The following VWA5B2 variants were observed in gnomAD, a reference collection of about 807,000 sequenced individuals.
VWA5B2 encodes the protein von Willebrand factor A domain-containing protein 5B2.
In VWA5B2, 93 loss-of-function variants were observed where a neutral mutation model predicts 118.5. That is an observed-to-expected ratio of 0.79 (90% confidence interval 0.66 to 0.93). VWA5B2 has a LOEUF of 0.93. VWA5B2 is among the 40% of genes least tolerant of loss of function. The probability of loss-of-function intolerance (pLI) is 0.00; values close to 1 mark genes in which losing one functional copy is unlikely to be tolerated. For missense variants in VWA5B2, 1,546 were observed against 1,672.8 expected (o/e 0.92, Z 1.32); for synonymous variants, 708 against 716.3 (o/e 0.99, Z 0.19).
chr3:184,241,241 C>G lies in VWA5B2; in HGVS notation c.3017C>G (p.Ser1006Cys). ...GAWDSDQNGN[S>C]KRALGDPATP... ...TGGGACTCGGACCAAAATGGCAACT[C>G]CAAGCGTGCTTTGGGGGACCCTGCC... is the stretch of plus-strand genomic sequence containing the variant. Residue 1006 changes from serine (S) to cysteine (C), a missense_variant, in exon 19 of 20, where the codon TCC (serine) becomes TGC (cysteine). Ser to Cys is a moderately radical substitution (Grantham distance 112). Coordinates refer to ENST00000691901, the MANE Select transcript of VWA5B2 (RefSeq NM_001390846.1). This position sits in a 1 kb window ranked among gnomAD's most constrained non-coding sequence, Gnocchi z 5.1. The G allele has an allele frequency of 6.4e-7, 1 of 1,551,244 alleles. No homozygotes were observed. Among genetic ancestry groups the G allele is most frequent in the Non-Finnish European group, 8.7e-7 (1 of 1,146,910 alleles).
At chr3:184,231,203 G>A (rs1031342682) in intron 3 of VWA5B2, among the ~76,000 whole-genome samples, 1 of 152,166 alleles carries the variant, frequency 6.6e-6, no homozygotes, top group African/African-American at 2.4e-5. Flanking sequence ...CTCTCTAGGG[G>A]GCTGCAAAGG....
In VWA5B2 at chr3:184,240,933, G is replaced by T. The variant is rs1169091790; in HGVS notation, c.2878+5G>T. 6.4e-7 allele frequency: 1 copy of T among 1,551,426 alleles called. No homozygotes were observed. The highest frequency in any genetic ancestry group is 2.0e-5 in the Admixed American group (1 of 50,970). ...CCCTGCAGGTGTGCAGCTCAGGTAGGGGCCTCTTCTGGTGACCTCTCAGGT... is the reference window on the plus strand; with the variant it reads ...CCCTGCAGGTGTGCAGCTCAGGTAGTGGCCTCTTCTGGTGACCTCTCAGGT... On this transcript the variant is annotated splice_donor_5th_base_variant and intron_variant, in intron 17 of 19. Coordinates refer to ENST00000691901, the MANE Select transcript of VWA5B2 (RefSeq NM_001390846.1).
In VWA5B2 at chr3:184,241,589, G is replaced by A; in HGVS notation, c.3280G>A (p.Ala1094Thr). 1 of 1,545,880 alleles carries A rather than the reference G, an allele frequency of 6.5e-7. No homozygotes were observed. Among genetic ancestry groups the A allele is most frequent in the Non-Finnish European group, 8.7e-7 (1 of 1,146,668 alleles). Residue 1094 changes from alanine (A) to threonine (T), a missense_variant, in exon 20 of 20, where the codon GCC (alanine) becomes ACC (threonine). Ala to Thr is a moderately conservative substitution (Grantham distance 58, BLOSUM62 0). Around this residue, in one of 3 missense-constraint regions of VWA5B2, gnomAD observed 763 missense variants for 766.6 expected, o/e 1.00. Coordinates refer to ENST00000691901, the MANE Select transcript of VWA5B2 (RefSeq NM_001390846.1). This position sits in a 1 kb window ranked among gnomAD's most constrained non-coding sequence, Gnocchi z 5.1. ...QERLCRASPF[A>T]VHRASLSPTS... ...GCGCCTCTGCCGTGCCTCGCCCTTT[G>A]CCGTGCACCGCGCCAGCCTCAGCCC...
In VWA5B2 at chr3:184,238,174, T is replaced by C; in HGVS notation, c.1720-129T>C. The C allele has an allele frequency of 1.3e-6, 1 of 774,582 alleles. No homozygotes were observed. The highest frequency in any genetic ancestry group is 2.0e-6 in the Non-Finnish European group (1 of 504,592). The allele number at this position is 774,582 out of a possible 1,614,324, so 48.0% of individuals were successfully genotyped here. On this transcript the variant is annotated intron_variant, in intron 12 of 19. Coordinates refer to ENST00000691901, the MANE Select transcript of VWA5B2 (RefSeq NM_001390846.1). The surrounding 1 kb of genome is among the most constrained non-coding windows in gnomAD (Gnocchi z 5.0). Reference sequence around the variant, plus strand: ...ACAGTGAACATGTCTGCTTCCTCCTTCTTTAGTACTGGTCTTTTGTTTCTG... The same window carrying C: ...ACAGTGAACATGTCTGCTTCCTCCTCCTTTAGTACTGGTCTTTTGTTTCTG...
rs773386944 is a variant in VWA5B2 at position 184,233,302 on chromosome 3, C to T, written c.435C>T (p.Asp145=). ...HSSRELPSRP[D]GVLHVALPTV... is the part of the protein sequence containing the mutation. The stretch of plus-strand genomic sequence containing the variant: ...GCCGGGAGCTGCCCTCAAGGCCTGA[C>T]GGGGTGCTGCATGTGGCCCTGCCCA... The change falls in exon 4 of 20, where the codon GAC becomes GAT. Residue 145 remains aspartate, a synonymous_variant. Coordinates refer to ENST00000691901, the MANE Select transcript of VWA5B2 (RefSeq NM_001390846.1). This position sits in a 1 kb window ranked among gnomAD's most constrained non-coding sequence, Gnocchi z 5.2. 3.8e-5 allele frequency: 59 copies of T among 1,537,294 alleles called. No homozygotes were observed. The highest frequency in any genetic ancestry group is 3.8e-4 in the African/African-American group (28 of 73,008).
At position 184,233,592 on chromosome 3, in the gene VWA5B2, G is replaced by C; in HGVS notation, c.547G>C (p.Gly183Arg). The change falls in exon 5 of 20, where the codon GGG (glycine) becomes CGG (arginine). Residue 183 changes from glycine (G) to arginine (R), a missense_variant. By Grantham distance (125) the Gly-to-Arg change is moderately radical. Around this residue, in one of 3 missense-constraint regions of VWA5B2, gnomAD observed 775 missense variants for 882.3 expected, o/e 0.88. Transcript: ENST00000691901. This position sits in a 1 kb window ranked among gnomAD's most constrained non-coding sequence, Gnocchi z 5.2. ...CCCTTCCAGCCCCACCAGCTGCTTC[G>C]GGGTGGGCAGCCTTCAGGAGGAAGG... ...LCDDSPTSCF[G>R]VGSLQEEGLA... 6.4e-7 allele frequency: 1 copy of C among 1,550,846 alleles called. No homozygotes were observed. The highest frequency in any genetic ancestry group is 1.2e-5 in the South Asian group (1 of 83,972).
Position 184,241,250 on chromosome 3 carries a change from C to T in VWA5B2, c.3026C>T (p.Ala1009Val). 1 of 1,551,224 alleles carries T rather than the reference C, an allele frequency of 6.4e-7. No homozygotes were observed. The highest frequency in any genetic ancestry group is 2.4e-5 in the East Asian group (1 of 40,916). Residue 1009 changes from alanine (A) to valine (V), a missense_variant, in exon 19 of 20, where the codon GCT (alanine) becomes GTT (valine). By Grantham distance (64) the Ala-to-Val change is moderately conservative. This residue lies in a region of VWA5B2 where 763 missense variants were observed against 766.6 expected (regional missense o/e 1.00). Coordinates refer to ENST00000691901, the MANE Select transcript of VWA5B2 (RefSeq NM_001390846.1). The surrounding 1 kb of genome is among the most constrained non-coding windows in gnomAD (Gnocchi z 5.1). ...DSDQNGNSKR[A>V]LGDPATPTEG... ...GACCAAAATGGCAACTCCAAGCGTG[C>T]TTTGGGGGACCCTGCCACTCCCACG... is the stretch of plus-strand genomic sequence containing the variant.
Position 184,233,564 on chromosome 3 carries a change from G to A in VWA5B2, c.531-12G>A, listed in dbSNP as rs1316189032. On this transcript the variant is annotated splice_polypyrimidine_tract_variant and intron_variant, in intron 4 of 19. Transcript: ENST00000691901. This position sits in a 1 kb window ranked among gnomAD's most constrained non-coding sequence, Gnocchi z 5.2. Reference sequence around the variant, plus strand: ...ACAGTGGCCCAGTGACCCTCCTCATGCTCCCTTCCAGCCCCACCAGCTGCT... The same window carrying A: ...ACAGTGGCCCAGTGACCCTCCTCATACTCCCTTCCAGCCCCACCAGCTGCT... 1 of 1,548,630 alleles carries A rather than the reference G, an allele frequency of 6.5e-7. No homozygotes were observed. Among genetic ancestry groups the A allele is most frequent in the Non-Finnish European group, 8.7e-7 (1 of 1,145,658 alleles).
chr3:184,236,118 C>T (rs555728902), intron 8 of VWA5B2, 34 bp from the exon 9 acceptor site: 2 of 1,530,938 alleles, frequency 1.3e-6, no homozygotes, highest in South Asian at 2.4e-5. Context: ...GCCCATGGGG[C>T]CGGCCTCACG....
At chr3:184,235,032 CA>C in intron 7 of VWA5B2, 120 bp from the exon 8 acceptor site, 1 of 1,286,990 alleles carries the variant, frequency 7.8e-7, no homozygotes, top group Non-Finnish European at 1.1e-6. Flanking sequence ...CGAATTACTA[CA>C]AAAAGATGTC....
rs868587400 is a variant in VWA5B2, at chr3:184,241,131, G to A, written c.2962+24G>A. 6.4e-7 allele frequency: 1 copy of A among 1,551,474 alleles called. No homozygotes were observed. Among genetic ancestry groups the A allele is most frequent in the Non-Finnish European group, 8.7e-7 (1 of 1,146,972 alleles). On this transcript the variant is annotated intron_variant, in intron 18 of 19. Transcript: ENST00000691901. The surrounding 1 kb of genome is among the most constrained non-coding windows in gnomAD (Gnocchi z 5.1). ...AGGTAACACCCAAAGGTAGGGAAAG[G>A]GTAGGGGCACTTGGGCTTAGAGACC...
intron 8 of VWA5B2, 56 bp from the exon 9 acceptor site, chr3:184,236,096 C>T (rs1256297632): frequency 7.6e-6 from 11 of 1,455,306 alleles, no homozygotes; most frequent in Non-Finnish European, 1.0e-5. Context: ...GCTTCCCTTG[C>T]TCTGTATCAG....
At position 184,241,726 on chromosome 3, in the gene VWA5B2, G is replaced by A; in HGVS notation, c.3417G>A (p.Gln1139=). The change falls in exon 20 of 20, where the codon CAG becomes CAA. Residue 1139 remains glutamine (Q), a synonymous_variant. Coordinates refer to ENST00000691901, the MANE Select transcript of VWA5B2 (RefSeq NM_001390846.1). The surrounding 1 kb of genome is among the most constrained non-coding windows in gnomAD (Gnocchi z 5.1). Reference sequence around the variant, plus strand: ...GCTCGGGCTCTGAGGGGCCAGGCCAGGTGGACAGTGGGCGGGGCTCAGACA... The same window carrying A: ...GCTCGGGCTCTGAGGGGCCAGGCCAAGTGGACAGTGGGCGGGGCTCAGACA... ...SPSSGSEGPG[Q]VDSGRGSDTE... is the part of the protein sequence containing the mutation. 1 of 1,496,394 alleles carries A rather than the reference G, an allele frequency of 6.7e-7. No individual in the cohort carries two copies. Among genetic ancestry groups the A allele is most frequent in the Non-Finnish European group, 8.9e-7 (1 of 1,125,506 alleles). 92.7% of individuals were successfully genotyped at this position (1,496,394 alleles called of 1,614,324 possible). A position where few individuals can be genotyped will look rare whatever the true frequency, so the allele number is the denominator to read the frequency against.
rs1176977833 is a variant in VWA5B2, at chr3:184,229,629, C to T, written c.-234C>T. ...TCACGAACTGGCGGCCGGCAGGTGC[C>T]GGGACCGAGGGCCACCCGGAGCGCA... On this transcript the variant is annotated 5_prime_UTR_variant, in exon 1 of 20. Coordinates refer to ENST00000691901, the MANE Select transcript of VWA5B2 (RefSeq NM_001390846.1). Among the ~76,000 whole-genome samples, 1 of 152,076 alleles carries T rather than the reference C, an allele frequency of 6.6e-6. No individual in the cohort carries two copies. The highest frequency in any genetic ancestry group is 1.5e-5 in the Non-Finnish European group (1 of 67,984).
rs1291069988 is a variant in VWA5B2 at position 184,237,950 on chromosome 3, G to A, written c.1720-353G>A. 6.6e-6 allele frequency among the ~76,000 whole-genome samples: 1 copy of A among 152,186 alleles called. No individual in the cohort carries two copies. Among genetic ancestry groups the A allele is most frequent in the Admixed American group, 6.5e-5 (1 of 15,282 alleles). On this transcript the variant is annotated intron_variant, in intron 12 of 19. Transcript: ENST00000691901. This position sits in a 1 kb window ranked among gnomAD's most constrained non-coding sequence, Gnocchi z 5.6. ...CAGGGGTCATAAAGTGAGTACTCCTGGCAGAACACTTGACACAGTAGGAGC... is the reference window on the plus strand; with the variant it reads ...CAGGGGTCATAAAGTGAGTACTCCTAGCAGAACACTTGACACAGTAGGAGC...
At position 184,233,841 on chromosome 3, in the gene VWA5B2, A is replaced by G; in HGVS notation, c.688+108A>G. On this transcript the variant is annotated intron_variant, in intron 5 of 19. Transcript: ENST00000691901. The surrounding 1 kb of genome is among the most constrained non-coding windows in gnomAD (Gnocchi z 5.2). ...GATAGGAGGGACACAGGACAAAAAG[A>G]CAGGGACCCCAGCCTCCGGAACATC... 1 of 1,425,520 alleles carries G rather than the reference A, an allele frequency of 7.0e-7. No homozygotes were observed. Among genetic ancestry groups the G allele is most frequent in the Non-Finnish European group, 9.3e-7 (1 of 1,070,048 alleles). 88.3% of individuals were successfully genotyped at this position (1,425,520 alleles called of 1,614,324 possible). A position where few individuals can be genotyped will look rare whatever the true frequency, so the allele number is the denominator to read the frequency against.
rs956123586 is a variant in VWA5B2 at position 184,241,583 on chromosome 3, C to T, written c.3274C>T (p.Pro1092Ser). Residue 1092 changes from proline (P) to serine (S), a missense_variant, in exon 20 of 20, where the codon CCC becomes TCC. Physicochemically the swap from Pro to Ser is moderately conservative, Grantham distance 74. Coordinates refer to ENST00000691901, the MANE Select transcript of VWA5B2 (RefSeq NM_001390846.1). This position sits in a 1 kb window ranked among gnomAD's most constrained non-coding sequence, Gnocchi z 5.1. ...ISQERLCRAS[P>S]FAVHRASLSP... is the part of the protein sequence containing the mutation. The stretch of plus-strand genomic sequence containing the variant: ...GCAGGAGCGCCTCTGCCGTGCCTCG[C>T]CCTTTGCCGTGCACCGCGCCAGCCT... 1.9e-6 allele frequency: 3 copies of T among 1,546,928 alleles called. No homozygotes were observed. The highest frequency in any genetic ancestry group is 2.6e-6 in the Non-Finnish European group (3 of 1,146,708).
chr3:184,235,415 ACACCAT>A, intron 8 of VWA5B2, 107 bp downstream of exon 8: 1 of 1,291,458 alleles, frequency 7.7e-7, no homozygotes, highest in South Asian at 1.5e-5. Flanking sequence ...GTTGCTTCAA[ACACCAT>A]CTTCCAAAGA....
rs745339755 is a variant in VWA5B2 at position 184,236,388 on chromosome 3, C to T, written c.1258C>T (p.Pro420Ser). The T allele has an allele frequency of 2.6e-6, 4 of 1,546,384 alleles. No homozygotes were observed. The South Asian group carries it at 4.8e-5, about 18-fold the overall frequency. The stretch of plus-strand genomic sequence containing the variant: ...CGAGAGCATTGAGACCCTGCAGGTT[C>T]CGAGTGGGCCCCCAGACGTGCTGGC... ...ICESIETLQV[P>S]SGPPDVLAAL... Residue 420 changes from proline to serine, a missense_variant, in exon 10 of 20, where the codon CCG becomes TCG. Transcript: ENST00000691901.
Sources: allele counts gnomAD v4.1 joint callset (sites outside exome capture counted in the v4.1 genomes callset), GRCh38; gene constraint gnomAD v4.1.1; regional missense constraint gnomAD v4.1.1; non-coding constraint Gnocchi (gnomAD v3.1); transcripts MANE v1.5; gene names NCBI Gene and HGNC (gene_info 2026-07-23, HGNC 2026-07-21).